Variants in ADAMTS6 observed in about 807,000 individuals in gnomAD.
The protein encoded by ADAMTS6 is A disintegrin and metalloproteinase with thrombospondin motifs 6.
ADAMTS6 carries 23 observed loss-of-function variants against 144.3 expected under a neutral mutation model. The ratio of observed to expected loss-of-function variants is 0.16; its 90% confidence interval spans 0.11 to 0.23. The LOEUF (loss-of-function observed/expected upper bound fraction) is 0.23. ADAMTS6 is among the 10% of genes least tolerant of loss of function. The probability of loss-of-function intolerance (pLI) is 1.00; values close to 1 mark genes in which losing one functional copy is unlikely to be tolerated. For synonymous variants in ADAMTS6, 444 were observed against 457.5 expected (o/e 0.97, Z 0.38); for missense variants, 999 against 1,379.6 (o/e 0.72, Z 4.37).
At chr5:65,200,306 C>T (rs1282086655) in intron 20 of ADAMTS6, among the ~76,000 whole-genome samples, 1 of 152,102 alleles carries the variant, frequency 6.6e-6, no homozygotes, top group Non-Finnish European at 1.5e-5. Flanking sequence ...GAAAATGCAG[C>T]TTTTAACTTT....
chr5:65,242,552 T>C (rs1759283892), intron 14 of ADAMTS6, among the ~76,000 whole-genome samples: 1 of 152,114 alleles, frequency 6.6e-6, no homozygotes, highest in Admixed American at 6.6e-5. Flanking sequence ...ATCCTTTGTG[T>C]TAACAGTTTT....
chr5:65,165,871 C>T (rs1753110432), intron 24 of ADAMTS6, among the ~76,000 whole-genome samples: 1 of 134,794 alleles, frequency 7.4e-6, no homozygotes, highest in Non-Finnish European at 1.6e-5. Context: ...TAAAAGAGCT[C>T]CTGAAGGAAG....
chr5:65,267,788 AC>A (rs1272175678), intron 12 of ADAMTS6, among the ~76,000 whole-genome samples: 5 of 152,094 alleles, frequency 3.3e-5, no homozygotes, highest in Admixed American at 6.6e-5. Context: ...GGAATAAGAG[AC>A]CTCTAAGGAA....
At position 65,481,452 on chromosome 5, in the gene ADAMTS6, T is replaced by A. The variant is rs1761201101; in HGVS notation, c.-389A>T. On this transcript the variant is annotated 5_prime_UTR_variant, in exon 1 of 25. Coordinates refer to ENST00000381055, the MANE Select transcript of ADAMTS6 (RefSeq NM_197941.4). ...TAACTTTTTTTAATTTTTTTTATTT[T>A]TTTATTTTTTGCCCCCCTTTGCAAA... 2.6e-5 allele frequency: 4 copies of A among 152,060 alleles called. No homozygotes were observed. In the South Asian group the frequency reaches 8.3e-4, roughly 32 times the overall value. 9.4% of individuals were successfully genotyped at this position (152,060 alleles called of 1,614,324 possible).
intron 7 of ADAMTS6, among the ~76,000 whole-genome samples, chr5:65,343,033 T>C (rs1191486770): frequency 1.3e-5 from 2 of 151,940 alleles, no homozygotes; most frequent in Non-Finnish European, 2.9e-5. Flanking sequence ...AAAACACTGA[T>C]GAAAGAAACT....
At chr5:65,372,045 T>A (rs1205030495) in intron 7 of ADAMTS6, among the ~76,000 whole-genome samples, 1 of 151,876 alleles carries the variant, frequency 6.6e-6, no homozygotes, top group Non-Finnish European at 1.5e-5. Flanking sequence ...GAAGGACAAA[T>A]AAAATACTTT....
intron 7 of ADAMTS6, among the ~76,000 whole-genome samples, chr5:65,349,440 T>C (rs1227057052): frequency 1.3e-5 from 2 of 152,116 alleles, no homozygotes; most frequent in Non-Finnish European, 2.9e-5. Flanking sequence ...AATTAAAATA[T>C]ATTTAAATTT....
At chr5:65,256,596 C>T (rs1364699693) in intron 14 of ADAMTS6, 1 of 152,148 alleles carries the variant, frequency 6.6e-6, no homozygotes, top group East Asian at 1.9e-4. Context: ...ATAGAAATCT[C>T]AACCCACCAA....
chr5:65,217,765 G>A (rs573076717), intron 18 of ADAMTS6, among the ~76,000 whole-genome samples: 3 of 152,094 alleles, frequency 2.0e-5, no homozygotes, highest in African/African-American at 7.2e-5. Context: ...ACTCATTTAG[G>A]TCTCACTAAG....
intron 7 of ADAMTS6, 182 bp downstream of exon 7, chr5:65,451,293 T>C: frequency 1.8e-6 from 1 of 554,088 alleles, no homozygotes; most frequent in Non-Finnish European, 3.0e-6. Flanking sequence ...TTTTTTCTTA[T>C]TTGGTTCATT....
chr5:65,360,335 AC>A (rs1362955639), intron 7 of ADAMTS6, among the ~76,000 whole-genome samples: 1 of 152,056 alleles, frequency 6.6e-6, no homozygotes, highest in Non-Finnish European at 1.5e-5. Flanking sequence ...ACAATAAATC[AC>A]CCCCAAGATC....
chr5:65,210,741 C>A, intron 20 of ADAMTS6: 1 of 645,484 alleles, frequency 1.5e-6, no homozygotes. Context: ...TTTCAGATTA[C>A]ATGTGCTACT....
rs185612217 is a variant in ADAMTS6 at position 65,458,661 on chromosome 5, C to T, written c.631+1509G>A. Among the ~76,000 whole-genome samples the T allele has an allele frequency of 2.8e-4, 43 of 152,262 alleles. 1 individual carries two copies. The East Asian group carries it at 8.3e-3, about 29-fold the overall frequency. On this transcript the variant is annotated intron_variant, in intron 4 of 24. Coordinates refer to ENST00000381055, the MANE Select transcript of ADAMTS6 (RefSeq NM_197941.4). The stretch of plus-strand genomic sequence containing the variant: ...TCCTGACCTTGTGATCTGCCTGCCT[C>T]GGCCTCCCAAAGTGCTGGGATTACA...
intron 11 of ADAMTS6, among the ~76,000 whole-genome samples, chr5:65,278,091 C>T (rs879516199): frequency 3.6e-5 from 5 of 140,812 alleles, no homozygotes; most frequent in African/African-American, 7.9e-5. Flanking sequence ...GTTTGGTTTT[C>T]CACTCTTGTG....
intron 7 of ADAMTS6, among the ~76,000 whole-genome samples, chr5:65,402,721 T>C (rs1754038080): frequency 6.6e-6 from 1 of 151,994 alleles, no homozygotes; most frequent in Non-Finnish European, 1.5e-5. Context: ...GCTGGATCCC[T>C]TCCCTTTAAG....
chr5:65,355,378 C>A (rs1206310936), intron 7 of ADAMTS6, among the ~76,000 whole-genome samples: 1 of 151,784 alleles, frequency 6.6e-6, no homozygotes. Context: ...CAACTTCCAT[C>A]ATCAACTTAC....
rs970687714 is a variant in ADAMTS6, at chr5:65,422,476, G to A, written c.1073+28999C>T. On this transcript the variant is annotated intron_variant, in intron 7 of 24. Coordinates refer to ENST00000381055, the MANE Select transcript of ADAMTS6 (RefSeq NM_197941.4). ...GTTGCTACTAAAAATACAAAAATTA[G>A]TTGGGTGTGGTGGCGCATGCCTGTA... 7.2e-5 allele frequency among the ~76,000 whole-genome samples: 11 copies of A among 152,144 alleles called. 1 individual carries two copies. Among genetic ancestry groups the A allele is most frequent in the Admixed American group, 7.2e-4 (11 of 15,278 alleles).
intron 7 of ADAMTS6, among the ~76,000 whole-genome samples, chr5:65,378,055 A>G (rs921367325): frequency 6.6e-6 from 1 of 152,100 alleles, no homozygotes; most frequent in Non-Finnish European, 1.5e-5. Flanking sequence ...ACATCAGAGT[A>G]AGGGTCTACC....
intron 7 of ADAMTS6, among the ~76,000 whole-genome samples, chr5:65,336,984 A>G (rs1747361224): frequency 1.3e-5 from 2 of 152,266 alleles, no homozygotes; most frequent in Middle Eastern, 6.8e-3. Flanking sequence ...CCTTCCCTGA[A>G]TATGTATCAT....
Sources: allele counts gnomAD v4.1 joint callset (sites outside exome capture counted in the v4.1 genomes callset), GRCh38; gene constraint gnomAD v4.1.1; transcripts MANE v1.5; gene names NCBI Gene and HGNC (gene_info 2026-07-23, HGNC 2026-07-21).